MMRN2: variants seen among roughly 807,000 people sequenced by gnomAD.
The protein encoded by MMRN2 is multimerin-2.
Under a neutral mutation model 68.8 loss-of-function variants are expected in MMRN2, and 53 were observed. The ratio of observed to expected loss-of-function variants is 0.77; its 90% CI spans 0.62 to 0.97. The LOEUF is 0.97. Ranked by LOEUF, MMRN2 falls within the 50% of genes least tolerant of loss-of-function variation. MMRN2 has a pLI of 0.00. For synonymous variants in MMRN2, 564 were observed against 551.6 expected, an observed-to-expected ratio of 1.02 and a Z score of -0.32; for missense variants, 1,266 against 1,259.5, an observed-to-expected ratio of 1.01 and a Z score of -0.08.
rs781410064 is a variant in MMRN2, at chr10:86,936,789, CTTCTCT to C, written c.2798_2803del (p.Lys933_Arg934del). On this transcript the variant is annotated inframe_deletion, in exon 7 of 7. Transcript: ENST00000372027. ...GCCCCCAAATGCAGTGCCCGACAGGCTTCTCTTTGTTATTGATCCCTGGGTTAACTC... is the reference window on the plus strand; with the variant it reads ...GCCCCCAAATGCAGTGCCCGACAGGCTTGTTATTGATCCCTGGGTTAACTC... 3 of 1,614,202 alleles carry C rather than the reference CTTCTCT, an allele frequency of 1.9e-6. No homozygotes were observed. The South Asian group carries it at 3.3e-5, about 18-fold the overall frequency.
chr10:86,944,530 G>C, intron 4 of MMRN2, 95 bp from the exon 5 acceptor site: 3 of 1,376,066 alleles, frequency 2.2e-6, no homozygotes, highest in Non-Finnish European at 3.0e-6. Flanking sequence ...CTGAGAGCAG[G>C]GAAGTTAGCT....
At chr10:86,956,456 C>A (rs184960395) in intron 1 of MMRN2, among the ~76,000 whole-genome samples, 1 of 152,354 alleles carries the variant, frequency 6.6e-6, no homozygotes, top group Admixed American at 6.5e-5. Context: ...CTCCCTAAAT[C>A]CATGTAGATG....
intron 4 of MMRN2, among the ~76,000 whole-genome samples, chr10:86,944,838 G>C (rs944660067): frequency 2.6e-5 from 4 of 152,208 alleles, no homozygotes; most frequent in African/African-American, 9.7e-5. Context: ...CCAAGACCAA[G>C]GACAGCATGA....
chr10:86,943,631 T>C lies in MMRN2; in HGVS notation c.1153A>G (p.Met385Val). 5 of 1,613,618 alleles carry C rather than the reference T, an allele frequency of 3.1e-6. No homozygotes were observed. The highest frequency in any genetic ancestry group is 3.4e-6 in the Non-Finnish European group (4 of 1,179,988). Reference protein sequence around the residue: ...QLQRNLSELHMTTARREEELQ... With the variant: ...QLQRNLSELHVTTARREEELQ... ...TCCTCCTCCCTGCGGGCCGTGGTCATGTGCAGCTCTGAGAGGTTCCTCTGC... is the reference window on the plus strand; with the variant it reads ...TCCTCCTCCCTGCGGGCCGTGGTCACGTGCAGCTCTGAGAGGTTCCTCTGC... The change falls in exon 6 of 7, where the codon ATG becomes GTG. Residue 385 changes from methionine (M) to valine (V), a missense_variant. Coordinates refer to ENST00000372027, the MANE Select transcript of MMRN2 (RefSeq NM_024756.3). This position sits in a 1 kb window ranked among gnomAD's most constrained non-coding sequence, Gnocchi z 4.2.
At position 86,943,437 on chromosome 10, in the gene MMRN2, G is replaced by T. The variant is rs781727075; in HGVS notation, c.1347C>A (p.Ile449=). The change falls in exon 6 of 7, where the codon ATC becomes ATA. Residue 449 remains isoleucine, a synonymous_variant. Coordinates refer to ENST00000372027, the MANE Select transcript of MMRN2 (RefSeq NM_024756.3). The surrounding 1 kb of genome is among the most constrained non-coding windows in gnomAD (Gnocchi z 4.2). ...NHTALRELRV[I]LMEKSLIMEE... Reference sequence around the variant, plus strand: ...CCATGATCAGAGACTTCTCCATCAGGATCACGCGCAGCTCACGGAGCGCCG... The same window carrying T: ...CCATGATCAGAGACTTCTCCATCAGTATCACGCGCAGCTCACGGAGCGCCG... 1 of 1,614,142 alleles carries T rather than the reference G, an allele frequency of 6.2e-7. No individual in the cohort carries two copies. Among genetic ancestry groups the T allele is most frequent in the Non-Finnish European group, 8.5e-7 (1 of 1,180,026 alleles).
chr10:86,942,248 G>A lies in MMRN2; in HGVS notation c.2467+69C>T, dbSNP rs531942098. The A allele has an allele frequency of 1.3e-5, 19 of 1,510,708 alleles. No homozygotes were observed. The African/African-American group carries it at 2.6e-4, about 21-fold the overall frequency. 93.6% of individuals were successfully genotyped at this position (1,510,708 alleles called of 1,614,324 possible). On this transcript the variant is annotated intron_variant, in intron 6 of 6. Transcript: ENST00000372027. ...CTCTTTCTTCCTGGCCCTCTTGGAG[G>A]CAGAAGAGCTGCCGGCAGCCGGCCC...
At position 86,941,837 on chromosome 10, in the gene MMRN2, AC is replaced by A. The variant is rs1319620297; in HGVS notation, c.2467+479del. Among the ~76,000 whole-genome samples, 177 of 32,470 alleles carry A rather than the reference AC, an allele frequency of 5.5e-3. 1 individual carries two copies. The highest frequency in any genetic ancestry group is 0.033 in the Middle Eastern group (2 of 60). The allele number at this position is 32,470 out of a possible 152,430, so 21.3% of individuals were successfully genotyped here. A position where few individuals can be genotyped will look rare whatever the true frequency, so the allele number is the denominator to read the frequency against. ...AAAAGAAAAGAAAAAGAAAAAAAAA[AC>A]AAAAAAAAAACTAAAATCATGGAAA... On this transcript the variant is annotated intron_variant, in intron 6 of 6. Transcript: ENST00000372027.
chr10:86,939,821 GTGTGTGTGTGTGTGTGTT>G (rs1200286152), intron 6 of MMRN2, among the ~76,000 whole-genome samples: 1,610 of 135,632 alleles, frequency 0.012, 12 homozygotes, highest in South Asian at 0.026. Context: ...GTGTGTGTGT[GTGTGTGTGTGTGTGTGTT>G]TGTGTGTGTG....
Position 86,943,938 on chromosome 10 carries a change from G to C in MMRN2, c.846C>G (p.Ala282=). 1 of 1,614,162 alleles carries C rather than the reference G, an allele frequency of 6.2e-7. No individual in the cohort carries two copies. The stretch of plus-strand genomic sequence containing the variant: ...CACCAAGCTCCTGGAAGTCAGCCCT[G>C]GCCACGGCACTGTCCTGGACTCTGG... ...AISRVQDSAV[A]RADFQELGAK... is the part of the protein sequence containing the mutation. Residue 282 remains alanine, a synonymous_variant, in exon 6 of 7, where the codon GCC becomes GCG. Transcript: ENST00000372027. The surrounding 1 kb of genome is among the most constrained non-coding windows in gnomAD (Gnocchi z 4.2).
At chr10:86,956,708 C>T (rs1295068049) in intron 1 of MMRN2, among the ~76,000 whole-genome samples, 2 of 152,230 alleles carry the variant, frequency 1.3e-5, no homozygotes, top group Admixed American at 6.5e-5. Flanking sequence ...GGTGCCTGGC[C>T]CTGAGACTGG....
chr10:86,956,263 C>T (rs1337680229), intron 1 of MMRN2, among the ~76,000 whole-genome samples: 1 of 151,946 alleles, frequency 6.6e-6, no homozygotes, highest in Admixed American at 6.6e-5. Context: ...CCACTGTTCC[C>T]CACGCCACTG....
At chr10:86,950,170 C>G (rs1389260673) in intron 1 of MMRN2, among the ~76,000 whole-genome samples, 1 of 152,026 alleles carries the variant, frequency 6.6e-6, no homozygotes. Context: ...CATAGTGACA[C>G]CCTGTCTCTA....
In MMRN2 at chr10:86,936,916, G is replaced by A; in HGVS notation, c.2677C>T (p.His893Tyr). 6.2e-7 allele frequency: 1 copy of A among 1,614,224 alleles called. No homozygotes were observed. The highest frequency in any genetic ancestry group is 8.5e-7 in the Non-Finnish European group (1 of 1,180,036). The change falls in exon 7 of 7, where the codon CAT (histidine) becomes TAT (tyrosine). Residue 893 changes from histidine (H) to tyrosine (Y), a missense_variant. Coordinates refer to ENST00000372027, the MANE Select transcript of MMRN2 (RefSeq NM_024756.3). ...GTGQLVFGGH[H>Y]RTPVCTTGQG... ...CCAGTGGTACAGACTGGAGTCCGATGGTGACCTCCAAACACCAGCTGCCCG... is the reference window on the plus strand; with the variant it reads ...CCAGTGGTACAGACTGGAGTCCGATAGTGACCTCCAAACACCAGCTGCCCG...
chr10:86,955,305 C>A (rs921070779), intron 1 of MMRN2, among the ~76,000 whole-genome samples: 2 of 152,196 alleles, frequency 1.3e-5, no homozygotes, highest in Non-Finnish European at 2.9e-5. Context: ...ACAGAAACAG[C>A]CTCTTCCTCC....
In MMRN2 at chr10:86,952,721, G is replaced by T. The variant is rs1736939557; in HGVS notation, c.164+4657C>A. On this transcript the variant is annotated intron_variant, in intron 1 of 6. Transcript: ENST00000372027. ...ATCAAAAACTCCGATAAGGGTCTACGTTCAGTGGTTCCATGTATTGTCTTG... is the reference window on the plus strand; with the variant it reads ...ATCAAAAACTCCGATAAGGGTCTACTTTCAGTGGTTCCATGTATTGTCTTG... Among the ~76,000 whole-genome samples the T allele has an allele frequency of 2.6e-5, 4 of 152,288 alleles. No individual in the cohort carries two copies. In the South Asian group the frequency reaches 8.3e-4, roughly 32 times the overall value.
rs1231532314 is a variant in MMRN2 at position 86,936,643 on chromosome 10, G to T, written c.*100C>A. The stretch of plus-strand genomic sequence containing the variant: ...CTTTGCAGAAGGTTTCCAGGGAAGA[G>T]ACAGACCAACTGAATGACCTCCAGC... On this transcript the variant is annotated 3_prime_UTR_variant, in exon 7 of 7. Transcript: ENST00000372027. 3 of 1,447,598 alleles carry T rather than the reference G, an allele frequency of 2.1e-6. No homozygotes were observed. The African/African-American group carries it at 4.2e-5, about 20-fold the overall frequency. 89.7% of individuals were successfully genotyped at this position (1,447,598 alleles called of 1,614,324 possible). A position where few individuals can be genotyped will look rare whatever the true frequency, so the allele number is the denominator to read the frequency against.
At position 86,942,740 on chromosome 10, in the gene MMRN2, G is replaced by A. The variant is rs752147894; in HGVS notation, c.2044C>T (p.His682Tyr). ...PRPAEHLEPS[H>Y]DAGREEAATT... The stretch of plus-strand genomic sequence containing the variant: ...GCGGCCTCCTCGCGGCCCGCGTCGT[G>A]GCTGGGCTCCAGGTGCTCTGCCGGC... The change falls in exon 6 of 7, where the codon CAC becomes TAC. Residue 682 changes from histidine to tyrosine, a missense_variant. By Grantham distance (83) the His-to-Tyr change is moderately conservative (BLOSUM62 2). Transcript: ENST00000372027. The A allele has an allele frequency of 1.1e-5, 15 of 1,415,222 alleles. No homozygotes were observed. In the Admixed American group the frequency reaches 4.6e-4, roughly 43 times the overall value. The allele number at this position is 1,415,222 out of a possible 1,614,324, so 87.7% of individuals were successfully genotyped here. A position where few individuals can be genotyped will look rare whatever the true frequency, so the allele number is the denominator to read the frequency against.
rs780628704 is a variant in MMRN2 at position 86,944,279 on chromosome 10, G to T, written c.638C>A (p.Ala213Glu). Reference sequence around the variant, plus strand: ...CCACTCACCGTGCCCTGTTTGATTTGCTTCCATCACTGCAGCTGTGAGGTT... The same window carrying T: ...CCACTCACCGTGCCCTGTTTGATTTTCTTCCATCACTGCAGCTGTGAGGTT... ...PGNLTAAVME[A>E]NQTGHEFPDR... The change falls in exon 5 of 7, where the codon GCA becomes GAA. Residue 213 changes from alanine to glutamate, a missense_variant. Ala to Glu is a moderately radical substitution (Grantham distance 107). Transcript: ENST00000372027. 5 of 1,609,412 alleles carry T rather than the reference G, an allele frequency of 3.1e-6. No individual in the cohort carries two copies. Among genetic ancestry groups the T allele is most frequent in the African/African-American group, 2.7e-5 (2 of 74,808 alleles).
rs1197168352 is a variant in MMRN2, at chr10:86,945,370, C to T, written c.400G>A (p.Asp134Asn). The change falls in exon 3 of 7, where the codon GAT becomes AAT. Residue 134 changes from aspartate to asparagine, a missense_variant and splice_region_variant. Physicochemically the swap from Asp to Asn is conservative, Grantham distance 23. Transcript: ENST00000372027. ...GYTGPNCEHH[D>N]SMAIPEPADP... ...GGAAGGGGGCCGCAGGGAGCCCTACCGTGGTGCTCGCAGTTGGGGCCCGTG... is the reference window on the plus strand; with the variant it reads ...GGAAGGGGGCCGCAGGGAGCCCTACTGTGGTGCTCGCAGTTGGGGCCCGTG... 2.5e-6 allele frequency: 4 copies of T among 1,594,910 alleles called. No homozygotes were observed. Among genetic ancestry groups the T allele is most frequent in the Non-Finnish European group, 8.5e-7 (1 of 1,170,364 alleles).
Sources: gnomAD v4.1 joint callset for allele counts (sites outside exome capture counted in the v4.1 genomes callset) on GRCh38, gnomAD v4.1.1 for gene constraint, Gnocchi (gnomAD v3.1) non-coding constraint, MANE v1.5 for transcripts, NCBI Gene and HGNC (gene_info 2026-07-23, HGNC 2026-07-21) for gene names.